MALRD1: variants seen among roughly 807,000 people sequenced by gnomAD.
MALRD1 encodes MAM and LDL-receptor class A domain-containing protein 1.
Under a neutral mutation model 242.1 loss-of-function variants are expected in MALRD1, and 247 were observed. That is an observed-to-expected ratio of 1.02 (90% CI 0.92 to 1.13). MALRD1 has a LOEUF of 1.13. Ranked by LOEUF, MALRD1 falls within the 50% of genes most tolerant of loss-of-function variation. The pLI, the probability that MALRD1 is intolerant of heterozygous loss-of-function variation, is 0.00. For synonymous variants in MALRD1, 995 were observed against 866.6 expected, an observed-to-expected ratio of 1.15 and a Z score of -2.60; for missense variants, 2,989 against 2,533.1, an observed-to-expected ratio of 1.18 and a Z score of -3.86.
intron 21 of MALRD1, among the ~76,000 whole-genome samples, chr10:19,289,052 G>A (rs1841280482): frequency 6.6e-6 from 1 of 151,802 alleles, no homozygotes; most frequent in Non-Finnish European, 1.5e-5. Context: ...AATTTTTAAA[G>A]TTTTTTATTC....
At chr10:19,226,744 A>G (rs1450516785) in intron 18 of MALRD1, among the ~76,000 whole-genome samples, 16 of 152,244 alleles carry the variant, frequency 1.1e-4, no homozygotes, top group East Asian at 1.9e-4. Context: ...TAATATTCTC[A>G]TGTGATGTAA....
intron 32 of MALRD1, 32 bp from the exon 33 acceptor site, chr10:19,567,470 C>G: frequency 2.0e-6 from 3 of 1,528,336 alleles, no homozygotes; most frequent in Non-Finnish European, 1.8e-6. Context: ...AATATCCAAT[C>G]ATAAAAAGTT....
chr10:19,343,243 A>G (rs180974023), intron 24 of MALRD1, among the ~76,000 whole-genome samples: 1 of 152,250 alleles, frequency 6.6e-6, no homozygotes, highest in African/African-American at 2.4e-5. Context: ...TTAGCCTTCA[A>G]TTTTGAAATA....
chr10:19,543,919 C>T (rs1835094606), intron 32 of MALRD1, among the ~76,000 whole-genome samples: 1 of 152,166 alleles, frequency 6.6e-6, no homozygotes, highest in African/African-American at 2.4e-5. Context: ...AATTTCTCCT[C>T]ACCTTCTTCT....
chr10:19,299,128 A>G (rs182305519), intron 21 of MALRD1, among the ~76,000 whole-genome samples: 43 of 152,146 alleles, frequency 2.8e-4, no homozygotes, highest in African/African-American at 1.0e-3. Context: ...TGACAGATAA[A>G]TGTACAAATT....
chr10:19,266,832 TGAG>T (rs1179683969), intron 19 of MALRD1, among the ~76,000 whole-genome samples: 1 of 151,978 alleles, frequency 6.6e-6, no homozygotes, highest in African/African-American at 2.4e-5. Flanking sequence ...GTCTATTACC[TGAG>T]GAGACCGCGG....
intron 32 of MALRD1, among the ~76,000 whole-genome samples, chr10:19,556,513 C>G (rs770495878): frequency 2.6e-5 from 4 of 152,054 alleles, no homozygotes; most frequent in Admixed American, 6.6e-5. Context: ...TGGAATCATA[C>G]AGTAACTACG....
At chr10:19,230,459 G>A (rs1191787858) in intron 18 of MALRD1, among the ~76,000 whole-genome samples, 3 of 152,128 alleles carry the variant, frequency 2.0e-5, no homozygotes, top group African/African-American at 7.2e-5. Flanking sequence ...TGGTGAGAGA[G>A]GAAGCAAGAG....
At chr10:19,129,749 GTAATA>G (rs1837393750) in intron 8 of MALRD1, among the ~76,000 whole-genome samples, 2 of 148,002 alleles carry the variant, frequency 1.4e-5, no homozygotes, top group African/African-American at 4.9e-5. Context: ...ATAATTATAT[GTAATA>G]TAATATATAA....
chr10:19,258,714 C>A (rs1184411665), intron 19 of MALRD1, among the ~76,000 whole-genome samples: 3 of 152,080 alleles, frequency 2.0e-5, no homozygotes. Context: ...ATTGGTGTTA[C>A]CACTGTGTGT....
At chr10:19,400,106 T>A (rs4433483) in intron 28 of MALRD1, among the ~76,000 whole-genome samples, 132,019 of 152,196 alleles carry the variant, frequency 0.87, 57,596 homozygotes, top group African/African-American at 0.91. Context: ...AGCTTTTCCT[T>A]AATACACTGT....
chr10:19,068,847 C>G (rs1054768819), intron 2 of MALRD1, among the ~76,000 whole-genome samples: 2 of 152,012 alleles, frequency 1.3e-5, no homozygotes, highest in Non-Finnish European at 2.9e-5. Flanking sequence ...GTAACCAATG[C>G]CTTGAGTGGC....
At chr10:19,254,538 G>A (rs1179759611) in intron 18 of MALRD1, among the ~76,000 whole-genome samples, 1 of 151,952 alleles carries the variant, frequency 6.6e-6, no homozygotes, top group East Asian at 1.9e-4. Flanking sequence ...CAAATTAGTT[G>A]TATTAATATG....
chr10:19,692,686 T>C (rs1833135074), intron 38 of MALRD1, 132 bp downstream of exon 38: 5 of 652,286 alleles, frequency 7.7e-6, no homozygotes, highest in Non-Finnish European at 1.3e-5. Context: ...GCTTTATGGA[T>C]TTATTTTTCT....
At chr10:19,243,243 A>G (rs545634063) in intron 18 of MALRD1, among the ~76,000 whole-genome samples, 1 of 151,646 alleles carries the variant, frequency 6.6e-6, no homozygotes, top group South Asian at 2.1e-4. Context: ...TTGTTACCTT[A>G]CATTACATCT....
intron 24 of MALRD1, among the ~76,000 whole-genome samples, chr10:19,341,549 C>T (rs985032702): frequency 7.1e-6 from 1 of 141,384 alleles, no homozygotes; most frequent in Non-Finnish European, 1.5e-5. Flanking sequence ...CATATATATA[C>T]ACACACACGT....
chr10:19,590,358 A>G (rs1210564214), intron 33 of MALRD1, among the ~76,000 whole-genome samples: 2 of 147,790 alleles, frequency 1.4e-5, no homozygotes, highest in East Asian at 3.9e-4. Flanking sequence ...TATATAATAT[A>G]TGTATATGTC....
chr10:19,215,269 C>A (rs1363308858), intron 18 of MALRD1, among the ~76,000 whole-genome samples: 3 of 152,204 alleles, frequency 2.0e-5, no homozygotes, highest in Non-Finnish European at 4.4e-5. Context: ...ACACTTCTGG[C>A]ACCCATGCAG....
intron 38 of MALRD1, among the ~76,000 whole-genome samples, chr10:19,712,110 T>C (rs572666995): frequency 1.3e-5 from 2 of 152,268 alleles, no homozygotes; most frequent in East Asian, 3.9e-4. Context: ...AATATCAATT[T>C]CTATGTTTAG....
Sources: allele counts gnomAD v4.1 joint callset (sites outside exome capture counted in the v4.1 genomes callset), GRCh38; gene constraint gnomAD v4.1.1; transcripts MANE v1.5; gene names NCBI Gene and HGNC (gene_info 2026-07-23, HGNC 2026-07-21).